Variants in ILKAP observed in about 807,000 individuals in gnomAD.
ILKAP encodes the protein ILK associated serine/threonine phosphatase.
Under a neutral mutation model 49.1 loss-of-function variants are expected in ILKAP, and 11 were observed. That is an observed-to-expected ratio of 0.22 (90% CI 0.14 to 0.37). The LOEUF (loss-of-function observed/expected upper bound fraction) is 0.37. Ranked by LOEUF, ILKAP falls within the 10% of genes least tolerant of loss-of-function variation. ILKAP has a pLI of 1.00. For synonymous variants in ILKAP, 186 were observed against 192.8 expected (o/e 0.96, Z 0.29); for missense variants, 363 against 510.8 (o/e 0.71, Z 2.79).
At chr2:238,179,526 C>A (rs1250540272) in intron 9 of ILKAP, among the ~76,000 whole-genome samples, 3 of 152,068 alleles carry the variant, frequency 2.0e-5, no homozygotes, top group Admixed American at 2.0e-4. Context: ...ATGCTAAGAC[C>A]ATTAGGTGAA....
At chr2:238,173,471 G>A (rs1693314979) in intron 10 of ILKAP, 63 bp downstream of exon 10, 1 of 1,582,218 alleles carries the variant, frequency 6.3e-7, no homozygotes, top group Non-Finnish European at 8.6e-7. Context: ...ATAGAAACTG[G>A]AAGTGAGGAA....
intron 1 of ILKAP, among the ~76,000 whole-genome samples, chr2:238,201,355 A>G (rs1206389144): frequency 1.3e-5 from 2 of 152,164 alleles, no homozygotes; most frequent in Non-Finnish European, 2.9e-5. Flanking sequence ...TCAGCTTCCA[A>G]TCATCTACAA....
intron 5 of ILKAP, chr2:238,187,192 G>T (rs1693942279): frequency 6.6e-6 from 1 of 152,300 alleles, no homozygotes; most frequent in Non-Finnish European, 1.5e-5. Flanking sequence ...GGTCAAGCCT[G>T]CAATGAACTA....
Position 238,194,707 on chromosome 2 carries a change from G to C in ILKAP, c.121+98C>G, listed in dbSNP as rs1029688359. 6.5e-6 allele frequency: 8 copies of C among 1,228,608 alleles called. No individual in the cohort carries two copies. In the African/African-American group the frequency reaches 1.0e-4, roughly 16 times the overall value. 76.1% of individuals were successfully genotyped at this position (1,228,608 alleles called of 1,614,324 possible). On this transcript the variant is annotated intron_variant, in intron 2 of 11. Transcript: ENST00000254654. The stretch of plus-strand genomic sequence containing the variant: ...ACAGTCCAACACCTAAAACATCTGT[G>C]TGTTGAAAATGGGGGAAAGGGAAAA...
intron 1 of ILKAP, among the ~76,000 whole-genome samples, chr2:238,195,354 G>T (rs568787950): frequency 6.6e-6 from 1 of 152,070 alleles, no homozygotes; most frequent in Non-Finnish European, 1.5e-5. Context: ...TTCTGCAAGG[G>T]AAGAAAATCT....
Position 238,179,154 on chromosome 2 carries a change from C to T in ILKAP, c.836+2911G>A, listed in dbSNP as rs939935912. Among the ~76,000 whole-genome samples, 9 of 152,240 alleles carry T rather than the reference C, an allele frequency of 5.9e-5. No homozygotes were observed. In the East Asian group the frequency reaches 1.7e-3, roughly 29 times the overall value. ...CACACATATGAAAAGGACACAGGAA[C>T]CAGCCAGCAGGAGTTTCCACTGGCC... On this transcript the variant is annotated intron_variant, in intron 9 of 11. Coordinates refer to ENST00000254654, the MANE Select transcript of ILKAP (RefSeq NM_030768.3).
chr2:238,190,129 C>T (rs193050403), intron 3 of ILKAP, among the ~76,000 whole-genome samples, 157 bp from the exon 4 acceptor site: 189 of 149,628 alleles, frequency 1.3e-3, no homozygotes, highest in African/African-American at 4.3e-3. Flanking sequence ...TCATGGTTGG[C>T]GGGGAGGGGG....
intron 1 of ILKAP, among the ~76,000 whole-genome samples, chr2:238,195,414 A>G (rs1377538233): frequency 4.9e-5 from 7 of 142,002 alleles, no homozygotes; most frequent in Non-Finnish European, 1.1e-4. Context: ...TTCAATAAAT[A>G]GCTATGGAGA....
At chr2:238,200,062 C>T (rs961091790) in intron 1 of ILKAP, among the ~76,000 whole-genome samples, 3 of 152,140 alleles carry the variant, frequency 2.0e-5, no homozygotes, top group Non-Finnish European at 4.4e-5. Flanking sequence ...AAGTTACTGG[C>T]GAAGCAATTT....
intron 9 of ILKAP, among the ~76,000 whole-genome samples, chr2:238,177,588 A>G (rs1163190339): frequency 6.6e-6 from 1 of 152,116 alleles, no homozygotes; most frequent in African/African-American, 2.4e-5. Flanking sequence ...GTCTTTTTGC[A>G]TCTGGCTTCT....
intron 11 of ILKAP, 31 bp from the exon 12 acceptor site, chr2:238,170,707 G>A (rs1350434865): frequency 6.3e-7 from 1 of 1,596,130 alleles, no homozygotes; most frequent in South Asian, 1.1e-5. Context: ...TGAGTGAATG[G>A]AGTGACCCCG....
chr2:238,194,551 A>G, intron 2 of ILKAP: 1 of 607,114 alleles, frequency 1.6e-6, no homozygotes, highest in East Asian at 2.8e-5. Flanking sequence ...GTTAAATTGT[A>G]CTTCAGGTAG....
At chr2:238,170,885 T>C in intron 11 of ILKAP, 58 bp downstream of exon 11, 1 of 1,536,566 alleles carries the variant, frequency 6.5e-7, no homozygotes, top group Non-Finnish European at 9.0e-7. Context: ...GAACTTCTAC[T>C]TCTCTGAAAA....
At chr2:238,172,747 G>A (rs1001909325) in intron 10 of ILKAP, among the ~76,000 whole-genome samples, 1 of 152,196 alleles carries the variant, frequency 6.6e-6, no homozygotes. Context: ...AGCACTCGGA[G>A]GCCCACTCGC....
chr2:238,199,379 A>C (rs982138044), intron 1 of ILKAP, among the ~76,000 whole-genome samples: 48 of 152,192 alleles, frequency 3.2e-4, no homozygotes, highest in Non-Finnish European at 6.6e-4. Flanking sequence ...TCACTCCCAA[A>C]ACACTTTATG....
chr2:238,185,436 G>A (rs2106333729), intron 5 of ILKAP, 149 bp from the exon 6 acceptor site: 1 of 527,964 alleles, frequency 1.9e-6, no homozygotes. Context: ...GTTACAAATG[G>A]GAAAAAAAAG....
chr2:238,183,993 C>G, intron 7 of ILKAP, 27 bp downstream of exon 7: 2 of 1,404,536 alleles, frequency 1.4e-6, no homozygotes, highest in Non-Finnish European at 2.0e-6. Context: ...ACAGTCCACT[C>G]AAACTTCATC....
chr2:238,188,273 C>G lies in ILKAP; in HGVS notation c.299-16G>C. The stretch of plus-strand genomic sequence containing the variant: ...ACCGAAGAGGCTAAGGAAAAGAGAA[C>G]AAAAGAGCCAATACAAAACTGTGCC... On this transcript the variant is annotated splice_polypyrimidine_tract_variant and intron_variant, in intron 4 of 11. Coordinates refer to ENST00000254654, the MANE Select transcript of ILKAP (RefSeq NM_030768.3). 6.2e-7 allele frequency: 1 copy of G among 1,611,544 alleles called. No homozygotes were observed. Among genetic ancestry groups the G allele is most frequent in the African/African-American group, 1.3e-5 (1 of 74,976 alleles).
chr2:238,203,203 T>G (rs1694649292), intron 1 of ILKAP, among the ~76,000 whole-genome samples: 1 of 150,834 alleles, frequency 6.6e-6, no homozygotes, highest in South Asian at 2.1e-4. Context: ...GCCCACGCGG[T>G]CGCGCCGGCG....
Sources: gnomAD v4.1 joint callset for allele counts (sites outside exome capture counted in the v4.1 genomes callset) on GRCh38, gnomAD v4.1.1 for gene constraint, MANE v1.5 for transcripts, NCBI Gene and HGNC (gene_info 2026-07-23, HGNC 2026-07-21) for gene names.